Variants in DIS3L2 observed in about 807,000 individuals in gnomAD.
The protein encoded by DIS3L2 is DIS3 like 3'-5' exoribonuclease 2, also known as DIS3-like exonuclease 2.
DIS3L2 carries 34 observed loss-of-function variants against 97.5 expected under a neutral mutation model. The observed-to-expected ratio is 0.35, with a 90% confidence interval of 0.27 to 0.46. The LOEUF (loss-of-function observed/expected upper bound fraction) is 0.46. Among genes scored for constraint, DIS3L2 ranks in the 20% least tolerant of loss-of-function variants. The pLI, the probability that DIS3L2 is intolerant of heterozygous loss-of-function variation, is 1.00. For synonymous variants in DIS3L2, 435 were observed against 445.2 expected (o/e 0.98, Z 0.29); for missense variants, 1,038 against 1,146.0 (o/e 0.91, Z 1.36).
chr2:232,190,426 C>T (rs543556473), intron 9 of DIS3L2, among the ~76,000 whole-genome samples: 10 of 152,228 alleles, frequency 6.6e-5, no homozygotes, highest in South Asian at 6.2e-4. Flanking sequence ...CCTTGAATTG[C>T]GTCAGTAACT....
chr2:232,249,875 G>A (rs1211791962), intron 12 of DIS3L2, among the ~76,000 whole-genome samples: 5 of 152,298 alleles, frequency 3.3e-5, no homozygotes, highest in African/African-American at 7.2e-5. Flanking sequence ...TGATTGGAGC[G>A]GTGAAGATGA....
chr2:232,005,007 C>G (rs1311714645), intron 1 of DIS3L2, among the ~76,000 whole-genome samples: 1 of 152,098 alleles, frequency 6.6e-6, no homozygotes, highest in African/African-American at 2.4e-5. Context: ...AAGTTCTTGT[C>G]TGATAGTTCT....
chr2:232,216,082 A>G (rs1692323959), intron 10 of DIS3L2, among the ~76,000 whole-genome samples: 1 of 152,102 alleles, frequency 6.6e-6, no homozygotes, highest in African/African-American at 2.4e-5. Flanking sequence ...CAGCTCTAGA[A>G]CTTTCACTTG....
chr2:232,182,026 A>G (rs1292398950), intron 9 of DIS3L2, among the ~76,000 whole-genome samples: 1 of 152,138 alleles, frequency 6.6e-6, no homozygotes, highest in Non-Finnish European at 1.5e-5. Context: ...GAGCTCCTGG[A>G]TTACAGGCAT....
At chr2:232,172,976 G>A (rs988377492) in intron 9 of DIS3L2, among the ~76,000 whole-genome samples, 29 of 152,138 alleles carry the variant, frequency 1.9e-4, no homozygotes, top group Admixed American at 3.9e-4. Flanking sequence ...TTTTTAAAAT[G>A]GATTGCCTTT....
At chr2:232,290,104 A>G (rs542460393) in intron 13 of DIS3L2, among the ~76,000 whole-genome samples, 6 of 152,154 alleles carry the variant, frequency 3.9e-5, no homozygotes, top group Non-Finnish European at 7.4e-5. Context: ...TCTGAGCACA[A>G]ATGGTTTGAT....
intron 5 of DIS3L2, among the ~76,000 whole-genome samples, chr2:232,036,282 T>C (rs984985183): frequency 3.9e-5 from 6 of 152,248 alleles, no homozygotes; most frequent in African/African-American, 1.4e-4. Flanking sequence ...CTTCAGTCCC[T>C]GATATCCTTT....
At chr2:232,283,344 C>A (rs1694346616) in intron 13 of DIS3L2, among the ~76,000 whole-genome samples, 1 of 152,198 alleles carries the variant, frequency 6.6e-6, no homozygotes, top group Admixed American at 6.5e-5. Flanking sequence ...TCACTGCAGT[C>A]CTCCTAGGCT....
intron 5 of DIS3L2, among the ~76,000 whole-genome samples, chr2:232,072,783 GGT>G (rs56884799): frequency 0.014 from 1,901 of 139,804 alleles, 46 homozygotes; most frequent in African/African-American, 0.047. Context: ...TGGGATGTGG[GGT>G]GTGTGTGTGT....
At chr2:232,335,167 T>C (rs1000693445) in intron 19 of DIS3L2, 1 of 198,626 alleles carries the variant, frequency 5.0e-6, no homozygotes, top group Non-Finnish European at 1.0e-5. Context: ...CAAGGGGACA[T>C]GGGCCTGTCC....
rs565579474 is a variant in DIS3L2, at chr2:232,212,434, AC to A, written c.1204+2032del. Among the ~76,000 whole-genome samples, 4 of 152,260 alleles carry A rather than the reference AC, an allele frequency of 2.6e-5. No individual in the cohort carries two copies. The South Asian group carries it at 8.3e-4, about 32-fold the overall frequency. ...GTTCCTCTGTCTCAGCTGGCCTGGA[AC>A]CCTGCACCTTGCAGGGTCTCCAGGG... On this transcript the variant is annotated intron_variant, in intron 10 of 20. Transcript: ENST00000325385.
chr2:231,998,256 CTG>C (rs998851784), intron 1 of DIS3L2, among the ~76,000 whole-genome samples: 1 of 152,158 alleles, frequency 6.6e-6, no homozygotes, highest in Non-Finnish European at 1.5e-5. Context: ...CTGCATCATC[CTG>C]TGGTGGGAAG....
At position 232,205,535 on chromosome 2, in the gene DIS3L2, C is replaced by G. The variant is rs190459120; in HGVS notation, c.1125-4791C>G. ...CAGGCTGGTCTTGAACTCCTGGACTCAAGCAGTCTGCCCACCGCGGCCTCC... is the reference window on the plus strand; with the variant it reads ...CAGGCTGGTCTTGAACTCCTGGACTGAAGCAGTCTGCCCACCGCGGCCTCC... On this transcript the variant is annotated intron_variant, in intron 9 of 20. Transcript: ENST00000325385. Among the ~76,000 whole-genome samples the G allele has an allele frequency of 5.1e-3, 772 of 152,106 alleles. 1 individual carries two copies. The highest frequency in any genetic ancestry group is 7.5e-3 in the Non-Finnish European group (512 of 68,004).
At position 232,292,103 on chromosome 2, in the gene DIS3L2, C is replaced by T. The variant is rs1338637645; in HGVS notation, c.1660-7937C>T. Among the ~76,000 whole-genome samples the T allele has an allele frequency of 6.6e-6, 1 of 152,194 alleles. No individual in the cohort carries two copies. Among genetic ancestry groups the T allele is most frequent in the East Asian group, 1.9e-4 (1 of 5,198 alleles). ...CCCCTGGCATGCTTGCCTAGCCACA[C>T]TTTCCTGTCTTGTCTCGTCACGCTT... On this transcript the variant is annotated intron_variant, in intron 13 of 20. Transcript: ENST00000325385. The surrounding 1 kb of genome is among the most constrained non-coding windows in gnomAD (Gnocchi z 4.4).
chr2:232,334,287 A>G, intron 17 of DIS3L2, 82 bp from the exon 18 acceptor site: 1 of 1,491,390 alleles, frequency 6.7e-7, no homozygotes, highest in South Asian at 1.2e-5. Flanking sequence ...GCGGGGGTGC[A>G]GCGCCATGCA....
chr2:232,068,683 A>T (rs182713437), intron 5 of DIS3L2, among the ~76,000 whole-genome samples: 196 of 152,128 alleles, frequency 1.3e-3, no homozygotes, highest in Non-Finnish European at 2.3e-3. Context: ...TACTAAATTG[A>T]TCCTTTGGAA....
At chr2:232,305,068 T>C (rs923351960) in intron 14 of DIS3L2, among the ~76,000 whole-genome samples, 2 of 152,036 alleles carry the variant, frequency 1.3e-5, no homozygotes, top group Admixed American at 6.6e-5. Context: ...GAATATTTGG[T>C]TTTTATTTTA....
intron 11 of DIS3L2, among the ~76,000 whole-genome samples, chr2:232,243,229 G>A (rs529901564): frequency 2.0e-5 from 3 of 152,132 alleles, no homozygotes; most frequent in Non-Finnish European, 2.9e-5. Context: ...GGGCAGAGAG[G>A]GCATTCCAGG....
intron 6 of DIS3L2, among the ~76,000 whole-genome samples, chr2:232,093,125 T>A (rs1436280924): frequency 6.6e-6 from 1 of 152,216 alleles, no homozygotes; most frequent in Non-Finnish European, 1.5e-5. Flanking sequence ...TCAAGTGCTT[T>A]TTCAGCATCA....
Sources: gnomAD v4.1 joint callset for allele counts (sites outside exome capture counted in the v4.1 genomes callset) on GRCh38, gnomAD v4.1.1 for gene constraint, Gnocchi (gnomAD v3.1) non-coding constraint, MANE v1.5 for transcripts, NCBI Gene and HGNC (gene_info 2026-07-23, HGNC 2026-07-21) for gene names.